The following ZFYVE26 variants were observed in gnomAD, a reference collection of about 807,000 sequenced individuals.
ZFYVE26 encodes zinc finger FYVE-type containing 26, also known as zinc finger FYVE domain-containing protein 26.
Under a neutral mutation model 276.5 loss-of-function variants are expected in ZFYVE26, and 181 were observed. The observed-to-expected ratio is 0.65, with a 90% CI of 0.58 to 0.74. The LOEUF (loss-of-function observed/expected upper bound fraction) is 0.74, where lower values mean the gene tolerates loss of function less well. Among genes scored for constraint, ZFYVE26 ranks in the 30% least tolerant of loss-of-function variants. The probability of loss-of-function intolerance (pLI) is 0.00; values close to 1 mark genes in which losing one functional copy is unlikely to be tolerated. For missense variants in ZFYVE26, 2,821 were observed against 3,097.9 expected, an observed-to-expected ratio of 0.91 and a Z score of 2.12; for synonymous variants, 1,129 against 1,203.1, an observed-to-expected ratio of 0.94 and a Z score of 1.27.
At chr14:67,753,948 C>A in intron 38 of ZFYVE26, 123 bp downstream of exon 38, 1 of 1,548,420 alleles carries the variant, frequency 6.5e-7, no homozygotes, top group Non-Finnish European at 8.9e-7. Flanking sequence ...TTTGGTGGCT[C>A]ATATTCTAGT....
intron 12 of ZFYVE26, among the ~76,000 whole-genome samples, chr14:67,795,908 A>C (rs1784385538): frequency 6.6e-6 from 1 of 152,250 alleles, no homozygotes; most frequent in Non-Finnish European, 1.5e-5. Flanking sequence ...ACAGTCAATA[A>C]ATATGTGAAA....
chr14:67,728,908 T>C (rs970638406), intron 14 of ZFYVE26, among the ~76,000 whole-genome samples: 2 of 152,232 alleles, frequency 1.3e-5, no homozygotes, highest in Non-Finnish European at 2.9e-5. Context: ...TTGTCATGTT[T>C]ATTAGTAGTA....
rs2140226192 is a variant in ZFYVE26 at position 67,785,005 on chromosome 14, C to T, written c.3523+54G>A. The T allele has an allele frequency of 2.5e-6, 4 of 1,578,164 alleles. No individual in the cohort carries two copies. The South Asian group carries it at 3.3e-5, about 13-fold the overall frequency. On this transcript the variant is annotated intron_variant, in intron 19 of 41. Transcript: ENST00000347230. ...AATTGTGCATCTTTTCTCTTCCTTG[C>T]CCTGAACACTTGCAGGTCTGCCATG...
At chr14:67,757,392 T>C in intron 35 of ZFYVE26, among the ~76,000 whole-genome samples, 1 of 152,238 alleles carries the variant, frequency 6.6e-6, no homozygotes, top group East Asian at 1.9e-4. Context: ...TAGTGGACTC[T>C]GCTCTAGCCA....
chr14:67,778,646 A>C (rs570287860), intron 23 of ZFYVE26, among the ~76,000 whole-genome samples: 1 of 152,352 alleles, frequency 6.6e-6, no homozygotes, highest in East Asian at 1.9e-4. Context: ...GAAAAAATAA[A>C]AATTCTGTAG....
chr14:67,777,714 G>A lies in ZFYVE26; in HGVS notation c.4819C>T (p.Pro1607Ser). 6.2e-7 allele frequency: 1 copy of A among 1,614,186 alleles called. No individual in the cohort carries two copies. Among genetic ancestry groups the A allele is most frequent in the Non-Finnish European group, 8.5e-7 (1 of 1,180,024 alleles). The change falls in exon 25 of 42, where the codon CCC becomes TCC. Residue 1607 changes from proline to serine, a missense_variant. Pro to Ser is a moderately conservative substitution (Grantham distance 74). Coordinates refer to ENST00000347230, the MANE Select transcript of ZFYVE26 (RefSeq NM_015346.4). ...ALQLLRRIPD[P>S]TMCLEVTEQS... ...TCTGTCACTTCAAGGCACATGGTGG[G>A]GTCAGGGATTCTTCGCAGGAGCTAT...
chr14:67,807,405 C>G lies in ZFYVE26; in HGVS notation c.879G>C (p.Ser293=). The change falls in exon 5 of 42, where the codon TCG becomes TCC. Residue 293 remains serine, a synonymous_variant. Transcript: ENST00000347230. ...GCAGCAAAGGGAACACACCTTTTCC[C>G]GAGGCTGTAGCCCTCGGTGGCTTTT... The part of the protein sequence containing the change: ...VTEKPPRATA[S]GKVSPDHLDP... 1.2e-6 allele frequency: 2 copies of G among 1,614,044 alleles called. No individual in the cohort carries two copies. The highest frequency in any genetic ancestry group is 4.5e-5 in the East Asian group (2 of 44,884).
chr14:67,743,114 G>A (rs1435353584), downstream of ZFYVE26, among the ~76,000 whole-genome samples: 2 of 151,984 alleles, frequency 1.3e-5, no homozygotes, highest in Non-Finnish European at 2.9e-5. Flanking sequence ...TTGGGTTATA[G>A]GCATGAGCCA....
intron 10 of ZFYVE26, chr14:67,799,148 A>T: frequency 2.0e-6 from 3 of 1,533,364 alleles, no homozygotes; most frequent in South Asian, 1.1e-5. Context: ...CTTTAAAAAG[A>T]TATCTTTAGA....
Position 67,755,143 on chromosome 14 carries a change from G to A in ZFYVE26, c.6894C>T (p.His2298=). Residue 2298 remains histidine (H), a synonymous_variant, in exon 37 of 42, where the codon CAC becomes CAT. Coordinates refer to ENST00000347230, the MANE Select transcript of ZFYVE26 (RefSeq NM_015346.4). ...ATGTTTCTTGGAGGTAGATCTTCAG[G>A]TGGTCCTTGGCCTTAAGTAGCCATG... ...KLSWLLKAKD[H]LKIYLQETSR... The A allele has an allele frequency of 6.2e-7, 1 of 1,614,106 alleles. No individual in the cohort carries two copies. The highest frequency in any genetic ancestry group is 8.5e-7 in the Non-Finnish European group (1 of 1,180,024).
intron 27 of ZFYVE26, among the ~76,000 whole-genome samples, chr14:67,772,638 T>C (rs1311117735): frequency 6.6e-6 from 1 of 152,182 alleles, no homozygotes; most frequent in Non-Finnish European, 1.5e-5. Flanking sequence ...ACCTATTGAT[T>C]AAAGGCGCTT....
intron 31 of ZFYVE26, 137 bp downstream of exon 31, chr14:67,767,567 A>G: frequency 8.4e-7 from 1 of 1,189,810 alleles, no homozygotes; most frequent in African/African-American, 1.5e-5. Context: ...GCCTTAATGG[A>G]TTTACTGGTT....
intron 11 of ZFYVE26, 25 bp downstream of exon 11, chr14:67,797,989 C>A: frequency 6.2e-7 from 1 of 1,613,798 alleles, no homozygotes; most frequent in South Asian, 1.1e-5. Flanking sequence ...ACCTTCTGGT[C>A]CCACCAGTTC....
At chr14:67,755,399 C>T in intron 36 of ZFYVE26, 149 bp from the exon 37 acceptor site, 1 of 934,572 alleles carries the variant, frequency 1.1e-6, no homozygotes, top group Non-Finnish European at 1.7e-6. Flanking sequence ...TTGAGCCAGT[C>T]ACCCCCAAGG....
chr14:67,816,235 T>C (rs746485132), intron 1 of ZFYVE26, among the ~76,000 whole-genome samples, 189 bp from the exon 2 acceptor site: 16 of 152,224 alleles, frequency 1.1e-4, no homozygotes, highest in Non-Finnish European at 1.9e-4. Flanking sequence ...CGGATTCCTA[T>C]ATTTAATAAT....
intron 4 of ZFYVE26, 114 bp downstream of exon 4, chr14:67,809,086 C>T: frequency 1.1e-6 from 1 of 935,920 alleles, no homozygotes; most frequent in Non-Finnish European, 1.8e-6. Context: ...GTTGCCTTGC[C>T]TGAGAACAAA....
At position 67,802,137 on chromosome 14, in the gene ZFYVE26, G is replaced by T; in HGVS notation, c.1581C>A (p.Ser527Arg). ...TAGCTGAGGCCAGGTCCTCAGAGAG[G>T]CTGTCTTTGCAGTCCTGGCACTGGG... is the stretch of plus-strand genomic sequence containing the variant. Reference protein sequence around the residue: ...QHSQCQDCKDSLSEDLASATE... With the variant: ...QHSQCQDCKDRLSEDLASATE... Residue 527 changes from serine (S) to arginine (R), a missense_variant, in exon 10 of 42, where the codon AGC becomes AGA. Physicochemically the swap from Ser to Arg is moderately radical, Grantham distance 110. Coordinates refer to ENST00000347230, the MANE Select transcript of ZFYVE26 (RefSeq NM_015346.4). 6.2e-7 allele frequency: 1 copy of T among 1,613,994 alleles called. No individual in the cohort carries two copies. The highest frequency in any genetic ancestry group is 8.5e-7 in the Non-Finnish European group (1 of 1,180,024).
chr14:67,813,973 T>C lies in ZFYVE26; in HGVS notation c.273+13A>G, dbSNP rs150070634. On this transcript the variant is annotated intron_variant, in intron 3 of 41. Coordinates refer to ENST00000347230, the MANE Select transcript of ZFYVE26 (RefSeq NM_015346.4). ...CCTGGCCTCGGAGGAAAATTTAATA[T>C]AAACCTACTTACCTTTTCCCGGGCC... 6.0e-4 allele frequency: 967 copies of C among 1,607,806 alleles called. 9 individuals are homozygous for C. In the East Asian group the frequency reaches 0.016, roughly 26 times the overall value.
Position 67,767,217 on chromosome 14 carries a change from G to T in ZFYVE26, c.5790+487C>A, listed in dbSNP as rs145038320. Among the ~76,000 whole-genome samples, 218 of 152,236 alleles carry T rather than the reference G, an allele frequency of 1.4e-3. 1 individual carries two copies. Among genetic ancestry groups the T allele is most frequent in the Non-Finnish European group, 1.7e-3 (114 of 68,010 alleles). On this transcript the variant is annotated intron_variant, in intron 31 of 41. Coordinates refer to ENST00000347230, the MANE Select transcript of ZFYVE26 (RefSeq NM_015346.4). Reference sequence around the variant, plus strand: ...ATAGGCCCTTGAAACCTATCAAGTAGATAGTCCTTACTGCAGAATGTAAGG... The same window carrying T: ...ATAGGCCCTTGAAACCTATCAAGTATATAGTCCTTACTGCAGAATGTAAGG...
Sources: gnomAD v4.1 joint callset for allele counts (sites outside exome capture counted in the v4.1 genomes callset) on GRCh38, gnomAD v4.1.1 for gene constraint, MANE v1.5 for transcripts, NCBI Gene and HGNC (gene_info 2026-07-23, HGNC 2026-07-21) for gene names.